IL18: variants seen among roughly 807,000 people sequenced by gnomAD.
The protein encoded by IL18 is interleukin-18.
IL18 carries 8 observed loss-of-function variants against 14.2 expected under a neutral mutation model. The ratio of observed to expected loss-of-function variants is 0.56; its 90% CI spans 0.33 to 1.01. The LOEUF (loss-of-function observed/expected upper bound fraction) is 1.01, where lower values mean the gene tolerates loss of function less well. Ranked by LOEUF, IL18 falls within the 50% of genes least tolerant of loss-of-function variation. The pLI, the probability that IL18 is intolerant of heterozygous loss-of-function variation, is 0.03. For missense variants in IL18, 166 were observed against 231.1 expected (o/e 0.72, Z 1.83); for synonymous variants, 67 against 71.0 (o/e 0.94, Z 0.28).
intron 4 of IL18, among the ~76,000 whole-genome samples, chr11:112,149,742 T>C (rs1266963803): frequency 6.6e-6 from 1 of 151,806 alleles, no homozygotes; most frequent in Non-Finnish European, 1.5e-5. Flanking sequence ...CCACCACACC[T>C]GGTAAACTAT....
chr11:112,145,796 T>C (rs1354777627), intron 5 of IL18, among the ~76,000 whole-genome samples: 2 of 149,740 alleles, frequency 1.3e-5, no homozygotes, highest in South Asian at 4.3e-4. Context: ...AAAGCGAGAG[T>C]GTGGATAGGT....
At chr11:112,157,170 T>C (rs2135321223) in intron 1 of IL18, among the ~76,000 whole-genome samples, 1 of 152,336 alleles carries the variant, frequency 6.6e-6, no homozygotes, top group South Asian at 2.1e-4. Flanking sequence ...CAGACATTTG[T>C]TAACCTGAGA....
intron 5 of IL18, among the ~76,000 whole-genome samples, chr11:112,147,447 G>A (rs911635764): frequency 6.6e-6 from 1 of 152,124 alleles, no homozygotes; most frequent in Non-Finnish European, 1.5e-5. Context: ...CATAGCTTGA[G>A]CTTGGCCATC....
At position 112,148,724 on chromosome 11, in the gene IL18, C is replaced by G; in HGVS notation, c.239G>C (p.Arg80Pro). ...ATACATACTTATAATAAATATGGTC[C>G]GGGGTGCATTATCTGAAATAAATAT... Reference protein sequence around the residue: ...TDSDCRDNAPRTIFIISMYKD... With the variant: ...TDSDCRDNAPPTIFIISMYKD... Residue 80 changes from arginine (R) to proline (P), a missense_variant, in exon 5 of 6, where the codon CGG becomes CCG. Transcript: ENST00000280357. 6.9e-7 allele frequency: 1 copy of G among 1,448,292 alleles called. No homozygotes were observed. The highest frequency in any genetic ancestry group is 9.2e-7 in the Non-Finnish European group (1 of 1,089,126). The allele number at this position is 1,448,292 out of a possible 1,614,324, so 89.7% of individuals were successfully genotyped here.
In IL18 at chr11:112,148,638, T is replaced by C; in HGVS notation, c.325A>G (p.Thr109Ala). The C allele has an allele frequency of 6.6e-7, 1 of 1,520,042 alleles. No individual in the cohort carries two copies. 94.2% of individuals were successfully genotyped at this position (1,520,042 alleles called of 1,614,324 possible). A position where few individuals can be genotyped will look rare whatever the true frequency, so the allele number is the denominator to read the frequency against. The change falls in exon 5 of 6, where the codon ACT becomes GCT. Residue 109 changes from threonine to alanine, a missense_variant. By Grantham distance (58) the Thr-to-Ala change is moderately conservative. Coordinates refer to ENST00000280357, the MANE Select transcript of IL18 (RefSeq NM_001562.4). ...TISVKCEKISTLSCENKIISF... is the reference protein window; with the variant it reads ...TISVKCEKISALSCENKIISF... The stretch of plus-strand genomic sequence containing the variant: ...ATAATTTTGTTCTCACAGGAGAGAG[T>C]TGAAATTTTCTCACACTTCACAGAG...
chr11:112,149,348 G>A lies in IL18; in HGVS notation c.227-612C>T, dbSNP rs905954483. Reference sequence around the variant, plus strand: ...GTTTAATGTGTATTACAACACACACGCTGCAACTTTTTTGAGTATTTTAAA... The same window carrying A: ...GTTTAATGTGTATTACAACACACACACTGCAACTTTTTTGAGTATTTTAAA... On this transcript the variant is annotated intron_variant, in intron 4 of 5. Coordinates refer to ENST00000280357, the MANE Select transcript of IL18 (RefSeq NM_001562.4). 5.3e-5 allele frequency among the ~76,000 whole-genome samples: 8 copies of A among 151,862 alleles called. No homozygotes were observed. In the South Asian group the frequency reaches 1.0e-3, roughly 20 times the overall value.
intron 5 of IL18, among the ~76,000 whole-genome samples, chr11:112,145,722 G>C (rs986832488): frequency 6.6e-6 from 1 of 151,708 alleles, no homozygotes. Context: ...CTGGGCGACA[G>C]AGCGAGACTC....
At chr11:112,157,897 G>A (rs1306460738) in intron 1 of IL18, among the ~76,000 whole-genome samples, 1 of 152,182 alleles carries the variant, frequency 6.6e-6, no homozygotes, top group Non-Finnish European at 1.5e-5. Flanking sequence ...CGCTCTTGTT[G>A]CCCAGGCTGG....
At chr11:112,154,174 C>T (rs1303425348) in intron 2 of IL18, among the ~76,000 whole-genome samples, 3 of 152,068 alleles carry the variant, frequency 2.0e-5, no homozygotes, top group Non-Finnish European at 4.4e-5. Flanking sequence ...ATGAAGGTTT[C>T]AAATGAAGGC....
chr11:112,163,104 CAGG>C (rs1392812397), intron 1 of IL18, among the ~76,000 whole-genome samples: 1 of 152,128 alleles, frequency 6.6e-6, no homozygotes, highest in Non-Finnish European at 1.5e-5. Flanking sequence ...AGACGAATTT[CAGG>C]AGTCCTAAAA....
At chr11:112,151,085 T>A (rs1866430886) in intron 3 of IL18, 2 of 152,174 alleles carry the variant, frequency 1.3e-5, no homozygotes, top group African/African-American at 4.8e-5. Flanking sequence ...GAAGAAAAAA[T>A]CAGACAAATG....
intron 1 of IL18, among the ~76,000 whole-genome samples, chr11:112,159,696 C>T (rs1287886547): frequency 6.6e-6 from 1 of 152,208 alleles, no homozygotes. Flanking sequence ...TCAGGAGGGG[C>T]TGCTCGAAAT....
intron 1 of IL18, among the ~76,000 whole-genome samples, chr11:112,157,221 T>C (rs1866549977): frequency 1.3e-5 from 2 of 152,324 alleles, no homozygotes; most frequent in Admixed American, 1.3e-4. Context: ...GGTGAAATAA[T>C]GATTAGCATG....
At chr11:112,152,760 T>C (rs971793638) in intron 3 of IL18, among the ~76,000 whole-genome samples, 1 of 152,156 alleles carries the variant, frequency 6.6e-6, no homozygotes, top group Non-Finnish European at 1.5e-5. Context: ...CTGAAGAAAG[T>C]TGGGGGTCCC....
chr11:112,148,679 C>G lies in IL18; in HGVS notation c.284G>C (p.Gly95Ala). 6.6e-7 allele frequency: 1 copy of G among 1,506,738 alleles called. No individual in the cohort carries two copies. Among genetic ancestry groups the G allele is most frequent in the Non-Finnish European group, 8.9e-7 (1 of 1,117,510 alleles). The allele number at this position is 1,506,738 out of a possible 1,614,324, so 93.3% of individuals were successfully genotyped here. Residue 95 changes from glycine to alanine, a missense_variant, in exon 5 of 6, where the codon GGT (glycine) becomes GCT (alanine). Physicochemically the swap from Gly to Ala is moderately conservative, Grantham distance 60 (BLOSUM62 0). Transcript: ENST00000280357. Reference sequence around the variant, plus strand: ...CTTCACAGAGATAGTTACAGCCATACCTCTAGGCTGGCTATCTTTATACAT... The same window carrying G: ...CTTCACAGAGATAGTTACAGCCATAGCTCTAGGCTGGCTATCTTTATACAT... ...ISMYKDSQPR[G>A]MAVTISVKCE...
At chr11:112,158,329 G>A (rs1866569482) in intron 1 of IL18, among the ~76,000 whole-genome samples, 1 of 152,192 alleles carries the variant, frequency 6.6e-6, no homozygotes, top group African/African-American at 2.4e-5. Flanking sequence ...AGTTTGAGAG[G>A]AGATATTCTT....
intron 3 of IL18, chr11:112,153,298 T>A: frequency 3.4e-6 from 1 of 292,822 alleles, no homozygotes; most frequent in Non-Finnish European, 6.4e-6. Flanking sequence ...TACAACAGAA[T>A]CCATGACTTC....
chr11:112,149,922 A>G, intron 4 of IL18, 150 bp downstream of exon 4: 1 of 705,590 alleles, frequency 1.4e-6, no homozygotes, highest in Non-Finnish European at 2.3e-6. Flanking sequence ...AAAAACGTGG[A>G]TGCCTTATAA....
At chr11:112,144,138 T>C (rs1866295104) in intron 5 of IL18, among the ~76,000 whole-genome samples, 1 of 152,210 alleles carries the variant, frequency 6.6e-6, no homozygotes, top group Admixed American at 6.5e-5. Context: ...GACCACAAGC[T>C]TTTTGGGCTA....
Sources: allele counts gnomAD v4.1 joint callset (sites outside exome capture counted in the v4.1 genomes callset), GRCh38; gene constraint gnomAD v4.1.1; transcripts MANE v1.5; gene names NCBI Gene and HGNC (gene_info 2026-07-23, HGNC 2026-07-21).